OTUD7A: variants seen among roughly 807,000 people sequenced by gnomAD.
OTUD7A encodes OTU domain-containing protein 7A.
A neutral mutation model predicts 65.7 loss-of-function variants in OTUD7A; 12 were observed. That is an observed-to-expected ratio of 0.18 (90% CI 0.12 to 0.30). The LOEUF (loss-of-function observed/expected upper bound fraction) is 0.30. Ranked by LOEUF, OTUD7A falls within the 10% of genes least tolerant of loss-of-function variation. The pLI is 1.00. For missense variants in OTUD7A, 1,148 were observed against 1,304.8 expected (o/e 0.88, Z 1.85); for synonymous variants, 641 against 586.3 (o/e 1.09, Z -1.35).
At chr15:31,732,630 T>C (rs1566993363) in intron 1 of OTUD7A, among the ~76,000 whole-genome samples, 2 of 152,230 alleles carry the variant, frequency 1.3e-5, no homozygotes, top group Non-Finnish European at 2.9e-5. Flanking sequence ...GTAACAAGCA[T>C]GCACTTCCCA....
chr15:31,815,417 C>G (rs1262836055), intron 1 of OTUD7A, among the ~76,000 whole-genome samples: 2 of 152,212 alleles, frequency 1.3e-5, no homozygotes, highest in Non-Finnish European at 1.5e-5. Flanking sequence ...CACAGCCATC[C>G]CTCAAGGGTG....
intron 3 of OTUD7A, among the ~76,000 whole-genome samples, chr15:31,628,023 T>G (rs1891016888): frequency 6.6e-6 from 1 of 152,192 alleles, no homozygotes; most frequent in African/African-American, 2.4e-5. Context: ...TTGCAAAAAT[T>G]TTCTCCCATT....
intron 3 of OTUD7A, among the ~76,000 whole-genome samples, chr15:31,581,082 A>C (rs1889357609): frequency 6.6e-6 from 1 of 152,206 alleles, no homozygotes. Flanking sequence ...ATGGGTAAAC[A>C]CTTGGCCAAA....
chr15:31,747,252 T>C (rs1288478356), intron 1 of OTUD7A, among the ~76,000 whole-genome samples: 2 of 151,928 alleles, frequency 1.3e-5, no homozygotes, highest in Admixed American at 6.5e-5. Context: ...TTTTGATACA[T>C]ACCCACATTT....
intron 1 of OTUD7A, among the ~76,000 whole-genome samples, chr15:31,857,749 G>A (rs1301352294): frequency 6.6e-6 from 1 of 152,194 alleles, no homozygotes; most frequent in Non-Finnish European, 1.5e-5. Context: ...CCTGGACCAT[G>A]AAGGGTATTA....
At chr15:31,532,795 G>A (rs1245990531) in intron 5 of OTUD7A, among the ~76,000 whole-genome samples, 2 of 151,902 alleles carry the variant, frequency 1.3e-5, no homozygotes, top group African/African-American at 2.4e-5. Flanking sequence ...TTAGCTGGGC[G>A]TGGTGGCGGG....
intron 3 of OTUD7A, among the ~76,000 whole-genome samples, chr15:31,618,541 A>AT (rs1458864923): frequency 6.6e-6 from 1 of 151,926 alleles, no homozygotes; most frequent in Non-Finnish European, 1.5e-5. Context: ...GATGATGAGC[A>AT]TTTTTTCATG....
At chr15:31,731,126 T>C (rs1894030688) in intron 1 of OTUD7A, among the ~76,000 whole-genome samples, 1 of 152,236 alleles carries the variant, frequency 6.6e-6, no homozygotes, top group South Asian at 2.1e-4. Context: ...AACTGTTTGA[T>C]GTTTCAGTCA....
At chr15:31,743,514 A>G (rs1894396703) in intron 1 of OTUD7A, among the ~76,000 whole-genome samples, 2 of 152,212 alleles carry the variant, frequency 1.3e-5, no homozygotes, top group African/African-American at 4.8e-5. Flanking sequence ...TTAGTGATCT[A>G]AGTTTTCACC....
intron 3 of OTUD7A, among the ~76,000 whole-genome samples, chr15:31,641,607 C>G (rs1430693945): frequency 6.6e-6 from 1 of 152,112 alleles, no homozygotes; most frequent in Non-Finnish European, 1.5e-5. Context: ...GGTTTTTCAT[C>G]TCTTTAAGCA....
rs112646428 is a variant in OTUD7A, at chr15:31,627,211, G to T, written c.151+27885C>A. Among the ~76,000 whole-genome samples the T allele has an allele frequency of 9.0e-3, 1,362 of 151,454 alleles. 32 individuals carry two copies. Among genetic ancestry groups the T allele is most frequent in the African/African-American group, 0.032 (1,309 of 41,248 alleles). ...CCCATTAACTCGTCATTTAGCATTAGGTATATCTCCTAATGCTATCCCTCC... is the reference window on the plus strand; with the variant it reads ...CCCATTAACTCGTCATTTAGCATTATGTATATCTCCTAATGCTATCCCTCC... On this transcript the variant is annotated intron_variant, in intron 3 of 12. Coordinates refer to ENST00000307050, the MANE Select transcript of OTUD7A (RefSeq NM_001382637.1).
intron 1 of OTUD7A, among the ~76,000 whole-genome samples, chr15:31,857,334 G>C (rs1451034915): frequency 1.3e-5 from 2 of 152,160 alleles, no homozygotes; most frequent in African/African-American, 2.4e-5. Flanking sequence ...AACTGCCTTA[G>C]CCAGGAGCCG....
At chr15:31,736,113 T>G (rs533062887) in intron 1 of OTUD7A, among the ~76,000 whole-genome samples, 7 of 152,158 alleles carry the variant, frequency 4.6e-5, no homozygotes, top group Non-Finnish European at 8.8e-5. Context: ...TAATGGGTAC[T>G]AGGCTTAATA....
intron 1 of OTUD7A, among the ~76,000 whole-genome samples, chr15:31,868,989 C>T (rs1897952491): frequency 6.6e-6 from 1 of 152,172 alleles, no homozygotes; most frequent in South Asian, 2.1e-4. Context: ...TTATTTTAAC[C>T]AATTAGGAGG....
chr15:31,541,107 C>T (rs1325081513), intron 5 of OTUD7A, among the ~76,000 whole-genome samples: 2 of 152,156 alleles, frequency 1.3e-5, no homozygotes, highest in African/African-American at 2.4e-5. Flanking sequence ...CTCAGAAATG[C>T]AAATTACACT....
chr15:31,840,503 ATAG>A (rs1401154459), intron 1 of OTUD7A, among the ~76,000 whole-genome samples: 5 of 152,186 alleles, frequency 3.3e-5, no homozygotes, highest in African/African-American at 1.2e-4. Flanking sequence ...TCTCTAAATG[ATAG>A]TAGTCTATTC....
intron 1 of OTUD7A, among the ~76,000 whole-genome samples, chr15:31,739,203 G>A (rs1420668932): frequency 6.6e-6 from 1 of 152,150 alleles, no homozygotes; most frequent in Non-Finnish European, 1.5e-5. Flanking sequence ...TGAGTGCTTG[G>A]AGCCAGTGTA....
At chr15:31,489,846 C>T (rs766143763) in intron 10 of OTUD7A, among the ~76,000 whole-genome samples, 1 of 152,230 alleles carries the variant, frequency 6.6e-6, no homozygotes, top group Non-Finnish European at 1.5e-5. Context: ...CTTGGGCTGC[C>T]CAGGGCTCCA....
chr15:31,859,566 C>T (rs1205059255), intron 1 of OTUD7A, among the ~76,000 whole-genome samples: 1 of 152,224 alleles, frequency 6.6e-6, no homozygotes, highest in Non-Finnish European at 1.5e-5. Flanking sequence ...TTCTTTCCCC[C>T]TTGTGGGATA....
Sources: allele counts gnomAD v4.1 joint callset (sites outside exome capture counted in the v4.1 genomes callset), GRCh38; gene constraint gnomAD v4.1.1; transcripts MANE v1.5; gene names NCBI Gene and HGNC (gene_info 2026-07-23, HGNC 2026-07-21).